Variants in HPCAL1 observed in about 807,000 individuals in gnomAD.
The protein encoded by HPCAL1 is hippocalcin like 1.
HPCAL1 carries 8 observed loss-of-function variants against 17.1 expected under a neutral mutation model. The ratio of observed to expected loss-of-function variants is 0.47; its 90% confidence interval spans 0.27 to 0.84. The LOEUF is 0.84. Among genes scored for constraint, HPCAL1 ranks in the 40% least tolerant of loss-of-function variants. HPCAL1 has a pLI of 0.13. For synonymous variants in HPCAL1, 112 were observed against 111.4 expected, an observed-to-expected ratio of 1.01 and a Z score of -0.03; for missense variants, 165 against 271.1, an observed-to-expected ratio of 0.61 and a Z score of 2.75.
Position 10,427,371 on chromosome 2 carries a change from G to A in HPCAL1, c.*550G>A, listed in dbSNP as rs1271662492. On this transcript the variant is annotated 3_prime_UTR_variant, in exon 5 of 5. Transcript: ENST00000307845. ...AAGTGGAGTGTATTGTGTAGGTCCC[G>A]TATTTAATGCCTCTGACTGCCTTTG... The A allele has an allele frequency of 3.9e-5, 6 of 152,808 alleles. No homozygotes were observed. Among genetic ancestry groups the A allele is most frequent in the African/African-American group, 4.8e-5 (2 of 41,426 alleles). 9.5% of individuals were successfully genotyped at this position (152,808 alleles called of 1,614,324 possible).
chr2:10,375,985 A>AG (rs1439733420), intron 1 of HPCAL1, among the ~76,000 whole-genome samples: 3 of 152,156 alleles, frequency 2.0e-5, no homozygotes, highest in Non-Finnish European at 2.9e-5. Context: ...TGATTGGATC[A>AG]GGGGGGCAGA....
intron 1 of HPCAL1, among the ~76,000 whole-genome samples, chr2:10,312,423 CCAT>C (rs1663041242): frequency 2.7e-5 from 4 of 150,092 alleles, no homozygotes; most frequent in African/African-American, 9.8e-5. Flanking sequence ...GTCGTCATCA[CCAT>C]CATCATCACT....
At position 10,346,483 on chromosome 2, in the gene HPCAL1, A is replaced by G. The variant is rs532522882; in HGVS notation, c.-111+43306A>G. ...CCTCTGTGGCTTTTTTCCTCTTTCA[A>G]TTGGGAGGCAGTTCTGTCTTAAAGA... is the stretch of plus-strand genomic sequence containing the variant. On this transcript the variant is annotated intron_variant, in intron 1 of 4. Transcript: ENST00000307845. Among the ~76,000 whole-genome samples the G allele has an allele frequency of 3.7e-4, 57 of 152,064 alleles. No homozygotes were observed. The East Asian group carries it at 9.1e-3, about 24-fold the overall frequency.
At chr2:10,322,781 C>G (rs530602532) in intron 1 of HPCAL1, among the ~76,000 whole-genome samples, 13 of 152,314 alleles carry the variant, frequency 8.5e-5, no homozygotes, top group African/African-American at 3.1e-4. Context: ...ACCGCCTGAA[C>G]CTTGGATCTC....
intron 1 of HPCAL1, chr2:10,368,837 A>C (rs571603524): frequency 6.6e-6 from 1 of 152,330 alleles, no homozygotes; most frequent in South Asian, 2.1e-4. Flanking sequence ...CAGGAATTGA[A>C]TTACCGACAT....
chr2:10,340,802 C>T (rs965858750), intron 1 of HPCAL1, among the ~76,000 whole-genome samples: 8 of 152,188 alleles, frequency 5.3e-5, no homozygotes, highest in African/African-American at 1.9e-4. Context: ...AGCCAGCCCA[C>T]GCCTGGGGCC....
intron 1 of HPCAL1, among the ~76,000 whole-genome samples, chr2:10,305,246 T>C (rs1212805261): frequency 6.6e-6 from 1 of 152,118 alleles, no homozygotes; most frequent in East Asian, 1.9e-4. Context: ...AAAAAATCAG[T>C]CTGGCTTTCT....
chr2:10,398,774 T>C (rs984893157), intron 2 of HPCAL1, among the ~76,000 whole-genome samples: 1 of 152,144 alleles, frequency 6.6e-6, no homozygotes, highest in Non-Finnish European at 1.5e-5. Context: ...GCTTTCTCCT[T>C]GCCACAGTAG....
At chr2:10,426,582 A>T (rs1176597800) in intron 4 of HPCAL1, 142 bp from the exon 5 acceptor site, 7 of 705,600 alleles carry the variant, frequency 9.9e-6, no homozygotes, top group Admixed American at 2.2e-5. Flanking sequence ...AAGTGAATGG[A>T]GACTAGACAC....
rs1015611796 is a variant in HPCAL1, at chr2:10,399,254, C to T, written c.-25+2334C>T. 1.9e-4 allele frequency among the ~76,000 whole-genome samples: 27 copies of T among 143,280 alleles called. 2 individuals carry two copies. The highest frequency in any genetic ancestry group is 4.9e-4 in the African/African-American group (19 of 38,904). 94.0% of individuals were successfully genotyped at this position (143,280 alleles called of 152,430 possible). On this transcript the variant is annotated intron_variant, in intron 2 of 4. Coordinates refer to ENST00000307845, the MANE Select transcript of HPCAL1 (RefSeq NM_002149.4). ...CCACCACCACCATCACCACCACCAC[C>T]ACCACCATCACCACCACCACCACCA...
At chr2:10,305,073 G>T (rs1265563969) in intron 1 of HPCAL1, among the ~76,000 whole-genome samples, 1 of 152,156 alleles carries the variant, frequency 6.6e-6, no homozygotes, top group East Asian at 1.9e-4. Context: ...GGGATGCGAT[G>T]AACTCATTTT....
intron 1 of HPCAL1, among the ~76,000 whole-genome samples, chr2:10,332,593 G>C (rs1031707524): frequency 2.0e-5 from 3 of 152,206 alleles, no homozygotes; most frequent in Non-Finnish European, 2.9e-5. Context: ...TCAGACGCTT[G>C]TTAAAACAGT....
chr2:10,349,259 A>C (rs1177141582), intron 1 of HPCAL1, among the ~76,000 whole-genome samples: 2 of 152,150 alleles, frequency 1.3e-5, no homozygotes, highest in Non-Finnish European at 2.9e-5. Context: ...AAACATACTA[A>C]GAGGTAAGAA....
intron 1 of HPCAL1, among the ~76,000 whole-genome samples, chr2:10,386,865 A>T (rs1413293543): frequency 6.6e-6 from 1 of 151,978 alleles, no homozygotes; most frequent in Non-Finnish European, 1.5e-5. Context: ...GCTTAATTTC[A>T]CTGCAATGGC....
Position 10,331,965 on chromosome 2 carries a change from A to G in HPCAL1, c.-111+28788A>G, listed in dbSNP as rs962697359. On this transcript the variant is annotated intron_variant, in intron 1 of 4. Transcript: ENST00000307845. The surrounding 1 kb of genome is among the most constrained non-coding windows in gnomAD (Gnocchi z 5.0). ...TGTCACCTGTTGTTGCTTCACAGGG[A>G]GCACTCCTTGTCACCTATTGTCATT... Among the ~76,000 whole-genome samples the G allele has an allele frequency of 1.3e-5, 2 of 151,204 alleles. No individual in the cohort carries two copies. Among genetic ancestry groups the G allele is most frequent in the Non-Finnish European group, 3.0e-5 (2 of 67,776 alleles).
In HPCAL1 at chr2:10,344,187, C is replaced by G. The variant is rs1431625258; in HGVS notation, c.-111+41010C>G. On this transcript the variant is annotated intron_variant, in intron 1 of 4. Transcript: ENST00000307845. This position sits in a 1 kb window ranked among gnomAD's most constrained non-coding sequence, Gnocchi z 4.9. ...ACAGCTTTGATCTCGAAGTCTCGGC[C>G]GCTCCTGGCTCAGAGGACCCTGGGG... 6.6e-6 allele frequency among the ~76,000 whole-genome samples: 1 copy of G among 152,178 alleles called. No individual in the cohort carries two copies. The highest frequency in any genetic ancestry group is 1.5e-5 in the Non-Finnish European group (1 of 68,032).
intron 1 of HPCAL1, among the ~76,000 whole-genome samples, chr2:10,376,276 G>C (rs115195441): frequency 2.0e-5 from 3 of 152,154 alleles, no homozygotes; most frequent in African/African-American, 7.2e-5. Context: ...TAACACATTA[G>C]CCATAGCCAT....
rs891319496 is a variant in HPCAL1 at position 10,359,951 on chromosome 2, G to A, written c.-110-36884G>A. 5.9e-5 allele frequency among the ~76,000 whole-genome samples: 9 copies of A among 152,176 alleles called. No individual in the cohort carries two copies. Among genetic ancestry groups the A allele is most frequent in the Non-Finnish European group, 8.8e-5 (6 of 67,990 alleles). On this transcript the variant is annotated intron_variant, in intron 1 of 4. Coordinates refer to ENST00000307845, the MANE Select transcript of HPCAL1 (RefSeq NM_002149.4). The surrounding 1 kb of genome is among the most constrained non-coding windows in gnomAD (Gnocchi z 4.1). ...CCACAGCGCCCGCCGGGTCCACAGC[G>A]CCCACCAGGTTTGATGTGGGCTGAG...
At chr2:10,348,193 TAATCCC>T (rs1665587575) in intron 1 of HPCAL1, among the ~76,000 whole-genome samples, 1 of 152,222 alleles carries the variant, frequency 6.6e-6, no homozygotes, top group Non-Finnish European at 1.5e-5. Context: ...CTCATGCCTG[TAATCCC>T]AGCACTTTGG....
Sources: gnomAD v4.1 joint callset for allele counts (sites outside exome capture counted in the v4.1 genomes callset) on GRCh38, gnomAD v4.1.1 for gene constraint, Gnocchi (gnomAD v3.1) non-coding constraint, MANE v1.5 for transcripts, NCBI Gene and HGNC (gene_info 2026-07-23, HGNC 2026-07-21) for gene names.